Variants in SH3TC1 observed in about 807,000 individuals in gnomAD.
SH3TC1 encodes the protein SH3 domain and tetratricopeptide repeat-containing protein 1.
Under a neutral mutation model 117.3 loss-of-function variants are expected in SH3TC1, and 135 were observed. The ratio of observed to expected loss-of-function variants is 1.15; its 90% CI spans 1.00 to 1.33. SH3TC1 has a LOEUF of 1.33. Among genes scored for constraint, SH3TC1 ranks in the 40% most tolerant of loss-of-function variants. SH3TC1 has a pLI of 0.00. For missense variants in SH3TC1, 2,092 were observed against 1,794.3 expected (o/e 1.17, Z -3.00); for synonymous variants, 898 against 816.9 (o/e 1.10, Z -1.69).
intron 1 of SH3TC1, among the ~76,000 whole-genome samples, chr4:8,188,615 C>T (rs1241895704): frequency 6.6e-6 from 1 of 152,242 alleles, no homozygotes; most frequent in East Asian, 1.9e-4. Flanking sequence ...CTACGCTACC[C>T]TTGGTGAGCA....
In SH3TC1 at chr4:8,183,240, T is replaced by C. The variant is rs1248517033; in HGVS notation, c.-57+1030T>C. On this transcript the variant is annotated intron_variant, in intron 1 of 16. Coordinates refer to the SH3TC1 transcript ENST00000508641. This position sits in a 1 kb window ranked among gnomAD's most constrained non-coding sequence, Gnocchi z 5.4. ...ACTACGAAGGAGCCCGTCCTCATCCTCCCCCTCGTTTACAGAGGAAGGCCG... is the reference window on the plus strand; with the variant it reads ...ACTACGAAGGAGCCCGTCCTCATCCCCCCCCTCGTTTACAGAGGAAGGCCG... Among the ~76,000 whole-genome samples, 3 of 152,002 alleles carry C rather than the reference T, an allele frequency of 2.0e-5. No homozygotes were observed. Among genetic ancestry groups the C allele is most frequent in the African/African-American group, 4.8e-5 (2 of 41,376 alleles).
intron 14 of SH3TC1, 45 bp from the exon 15 acceptor site, chr4:8,235,388 A>T: frequency 7.0e-7 from 1 of 1,420,272 alleles, no homozygotes. Context: ...GGGCGTGGCC[A>T]CCTCACCAGG....
rs772809488 is a variant in SH3TC1, at chr4:8,227,129, G to T, written c.1435G>T (p.Asp479Tyr). 1.2e-6 allele frequency: 2 copies of T among 1,612,314 alleles called. No homozygotes were observed. The highest frequency in any genetic ancestry group is 4.5e-5 in the East Asian group (2 of 44,856). Residue 479 changes from aspartate (D) to tyrosine (Y), a missense_variant, in exon 12 of 18, where the codon GAC (aspartate) becomes TAC (tyrosine). By Grantham distance (160) the Asp-to-Tyr change is radical. Coordinates refer to ENST00000245105, the MANE Select transcript of SH3TC1 (RefSeq NM_018986.5). ...CAASSDVSLQ[D>Y]PEEPSFCLEA... ...GGCATCCAGCGACGTGAGCTTGCAGGACCCCGAGGAGCCCTCCTTCTGCTT... is the reference window on the plus strand; with the variant it reads ...GGCATCCAGCGACGTGAGCTTGCAGTACCCCGAGGAGCCCTCCTTCTGCTT...
At chr4:8,213,687 C>T (rs1718951968) in intron 4 of SH3TC1, among the ~76,000 whole-genome samples, 2 of 152,032 alleles carry the variant, frequency 1.3e-5, no homozygotes, top group Admixed American at 6.6e-5. Context: ...CACTTGAGCC[C>T]AGGAGTTTAA....
In SH3TC1 at chr4:8,186,288, A is replaced by G. The variant is rs1184072284; in HGVS notation, c.-57+4078A>G. ...AAACCCCAGTGCAAGCACAATCACA[A>G]AGATACCTGCCAGTTCTCCCCAGAA... On this transcript the variant is annotated intron_variant, in intron 1 of 16. Coordinates refer to the SH3TC1 transcript ENST00000508641. The surrounding 1 kb of genome is among the most constrained non-coding windows in gnomAD (Gnocchi z 5.2). Among the ~76,000 whole-genome samples the G allele has an allele frequency of 5.9e-5, 9 of 152,332 alleles. No homozygotes were observed. The highest frequency in any genetic ancestry group is 2.2e-4 in the African/African-American group (9 of 41,570).
Position 8,235,395 on chromosome 4 carries a change from C to A in SH3TC1, c.3283-38C>A, listed in dbSNP as rs986023173. The A allele has an allele frequency of 2.1e-6, 3 of 1,435,862 alleles. No individual in the cohort carries two copies. The African/African-American group carries it at 4.3e-5, about 21-fold the overall frequency. The allele number at this position is 1,435,862 out of a possible 1,614,324, so 88.9% of individuals were successfully genotyped here. A position where few individuals can be genotyped will look rare whatever the true frequency, so the allele number is the denominator to read the frequency against. ...ACCTGGGTGGGCGTGGCCACCTCAC[C>A]AGGTGTGGGTCTTGAGGGAACTTCT... On this transcript the variant is annotated intron_variant, in intron 14 of 17. Coordinates refer to ENST00000245105, the MANE Select transcript of SH3TC1 (RefSeq NM_018986.5).
Position 8,236,331 on chromosome 4 carries a change from G to T in SH3TC1, c.3459G>T (p.Arg1153=), listed in dbSNP as rs376599220. ...VTTGNRKAEL[R]LCNKLVALLA... Reference sequence around the variant, plus strand: ...CGGGCAACCGCAAGGCGGAGCTGCGGCTGTGCAACAAGCTGGTGGCACTGC... The same window carrying T: ...CGGGCAACCGCAAGGCGGAGCTGCGTCTGTGCAACAAGCTGGTGGCACTGC... The change falls in exon 16 of 18, where the codon CGG becomes CGT. Residue 1153 remains arginine, a synonymous_variant. Transcript: ENST00000245105. 4 of 1,553,526 alleles carry T rather than the reference G, an allele frequency of 2.6e-6. No individual in the cohort carries two copies. In the African/African-American group the frequency reaches 5.5e-5, roughly 21 times the overall value.
chr4:8,200,245 G>A (rs986710041), intron 1 of SH3TC1, among the ~76,000 whole-genome samples: 4 of 152,236 alleles, frequency 2.6e-5, no homozygotes, highest in African/African-American at 7.2e-5. Flanking sequence ...GCCAGGCAGC[G>A]GGGCTGCGGC....
At position 8,227,389 on chromosome 4, in the gene SH3TC1, C is replaced by T. The variant is rs371932302; in HGVS notation, c.1695C>T (p.Leu565=). ...LLMALARLCF[L]LGRLCSRRLK... ...TGGCCCTGGCCAGGCTCTGCTTCCT[C>T]CTGGGGCGGCTGTGCAGCAGGAGGC... Residue 565 remains leucine (L), a synonymous_variant, in exon 12 of 18, where the codon CTC becomes CTT. Transcript: ENST00000245105. 6.4e-7 allele frequency: 1 copy of T among 1,553,970 alleles called. No individual in the cohort carries two copies. The highest frequency in any genetic ancestry group is 8.7e-7 in the Non-Finnish European group (1 of 1,150,946).
rs56288444 is a variant in SH3TC1, at chr4:8,210,746, GAAAAAAAAAAA to G, written c.247+942_247+952del. Among the ~76,000 whole-genome samples, 4 of 39,822 alleles carry G rather than the reference GAAAAAAAAAAA, an allele frequency of 1.0e-4. No individual in the cohort carries two copies. The East Asian group carries it at 4.0e-3, about 40-fold the overall frequency. The allele number at this position is 39,822 out of a possible 152,430, so 26.1% of individuals were successfully genotyped here. A position where few individuals can be genotyped will look rare whatever the true frequency, so the allele number is the denominator to read the frequency against. On this transcript the variant is annotated intron_variant, in intron 3 of 17. Coordinates refer to ENST00000245105, the MANE Select transcript of SH3TC1 (RefSeq NM_018986.5). This position sits in a 1 kb window ranked among gnomAD's most constrained non-coding sequence, Gnocchi z 4.1. The stretch of plus-strand genomic sequence containing the variant: ...TTGCACTCCAGCCTGGGCAACTTCT[GAAAAAAAAAAA>G]AAAAAAAAAAAAAAAAAGGCCGTCA...
chr4:8,237,301 G>T, intron 16 of SH3TC1, 173 bp from the exon 17 acceptor site: 1 of 558,962 alleles, frequency 1.8e-6, no homozygotes, highest in Non-Finnish European at 3.0e-6. Context: ...ATGGGGGCAG[G>T]CCTTATTAGT....
rs1445318711 is a variant in SH3TC1, at chr4:8,208,151, T to C, written c.173-1597T>C. Among the ~76,000 whole-genome samples the C allele has an allele frequency of 2.0e-5, 3 of 152,328 alleles. No individual in the cohort carries two copies. The East Asian group carries it at 5.8e-4, about 29-fold the overall frequency. On this transcript the variant is annotated intron_variant, in intron 2 of 17. Transcript: ENST00000245105. ...AGGGGCAGGATCTGCATGGCCTGCA[T>C]TCCCTGCAATGAGCCAGGGGCTCAG...
At chr4:8,235,199 C>T (rs1721691765) in intron 14 of SH3TC1, among the ~76,000 whole-genome samples, 1 of 152,226 alleles carries the variant, frequency 6.6e-6, no homozygotes, top group African/African-American at 2.4e-5. Flanking sequence ...TGGCAGGATT[C>T]ACAGATGTCG....
Position 8,205,284 on chromosome 4 carries a change from C to G in SH3TC1, c.90C>G (p.Asp30Glu), listed in dbSNP as rs774026789. The change falls in exon 2 of 18, where the codon GAC becomes GAG. Residue 30 changes from aspartate to glutamate, a missense_variant. Coordinates refer to ENST00000245105, the MANE Select transcript of SH3TC1 (RefSeq NM_018986.5). This position sits in a 1 kb window ranked among gnomAD's most constrained non-coding sequence, Gnocchi z 5.4. The stretch of plus-strand genomic sequence containing the variant: ...CCTCAGGAGGTGGCAGCACCCGGGA[C>G]CAGGTCCGGACTGTGGTCATGAGGC... ...VGPSGGGSTR[D>E]QVRTVVMRPS... is the part of the protein sequence containing the mutation. The G allele has an allele frequency of 3.2e-6, 5 of 1,550,404 alleles. No homozygotes were observed. The highest frequency in any genetic ancestry group is 4.4e-6 in the Non-Finnish European group (5 of 1,147,042).
In SH3TC1 at chr4:8,227,440, C is replaced by A; in HGVS notation, c.1746C>A (p.Tyr582Ter). 1 of 1,560,316 alleles carries A rather than the reference C, an allele frequency of 6.4e-7. No individual in the cohort carries two copies. The highest frequency in any genetic ancestry group is 8.6e-7 in the Non-Finnish European group (1 of 1,157,370). The change falls in exon 12 of 18, where the codon TAC (tyrosine) becomes TAA (stop). Residue 582 changes from tyrosine (Y) to a stop codon, truncating the protein, a stop_gained. Coordinates refer to ENST00000245105, the MANE Select transcript of SH3TC1 (RefSeq NM_018986.5). LOFTEE classifies it high-confidence loss of function. ...RRLKLSQARV[Y>*]FEEALGALEG... The stretch of plus-strand genomic sequence containing the variant: ...TCAAGCTGTCCCAGGCCCGGGTGTA[C>A]TTTGAGGAAGCGCTGGGGGCCCTGG...
Position 8,233,445 on chromosome 4 carries a change from G to A in SH3TC1, c.3214G>A (p.Ala1072Thr), listed in dbSNP as rs1721439681. The change falls in exon 14 of 18, where the codon GCC (alanine) becomes ACC (threonine). Residue 1072 changes from alanine (A) to threonine (T), a missense_variant. Transcript: ENST00000245105. ...CCAGAAGAAAGAGAAGGAGGCGCAT[G>A]CCTGGCTGCAAGCAGGGAAGATCTA... ...DLQKKEKEAH[A>T]WLQAGKIYYI... is the part of the protein sequence containing the mutation. The A allele has an allele frequency of 6.2e-7, 1 of 1,613,870 alleles. No homozygotes were observed. The highest frequency in any genetic ancestry group is 1.3e-5 in the African/African-American group (1 of 74,938).
rs373475176 is a variant in SH3TC1, at chr4:8,206,470, C to T, written c.172+1104C>T. On this transcript the variant is annotated intron_variant, in intron 2 of 17. Transcript: ENST00000245105. The surrounding 1 kb of genome is among the most constrained non-coding windows in gnomAD (Gnocchi z 5.5). ...GGCCCTGGCCAGCCTCCCACAGAGC[C>T]GCGGGGCCCAGGGAGGAGCTGGGAG... Among the ~76,000 whole-genome samples the T allele has an allele frequency of 3.5e-4, 54 of 152,248 alleles. No individual in the cohort carries two copies. In the East Asian group the frequency reaches 6.2e-3, roughly 18 times the overall value.
rs1720361510 is a variant in SH3TC1 at position 8,225,318 on chromosome 4, G to T, written c.1285+102G>T. ...CTGAGCACGGTGGGCATTGGGTGCGGCTGTCACCCCTCTGTGGTGTGGGCT... is the reference window on the plus strand; with the variant it reads ...CTGAGCACGGTGGGCATTGGGTGCGTCTGTCACCCCTCTGTGGTGTGGGCT... On this transcript the variant is annotated intron_variant, in intron 11 of 17. Coordinates refer to ENST00000245105, the MANE Select transcript of SH3TC1 (RefSeq NM_018986.5). The surrounding 1 kb of genome is among the most constrained non-coding windows in gnomAD (Gnocchi z 5.5). The T allele has an allele frequency of 3.9e-6, 5 of 1,286,712 alleles. No individual in the cohort carries two copies. Among genetic ancestry groups the T allele is most frequent in the Non-Finnish European group, 3.3e-6 (3 of 911,612 alleles). The allele number at this position is 1,286,712 out of a possible 1,614,324, so 79.7% of individuals were successfully genotyped here. A position where few individuals can be genotyped will look rare whatever the true frequency, so the allele number is the denominator to read the frequency against.
intron 17 of SH3TC1, 127 bp downstream of exon 17, chr4:8,237,797 G>T (rs896758170): frequency 3.7e-6 from 4 of 1,073,746 alleles, no homozygotes; most frequent in East Asian, 3.0e-5. Flanking sequence ...GGAGCGCTGC[G>T]CCCGGCTGGA....
Sources: gnomAD v4.1 joint callset for allele counts (sites outside exome capture counted in the v4.1 genomes callset) on GRCh38, gnomAD v4.1.1 for gene constraint, Gnocchi (gnomAD v3.1) non-coding constraint, MANE v1.5 for transcripts, NCBI Gene and HGNC (gene_info 2026-07-23, HGNC 2026-07-21) for gene names.